OPRM1: variants seen among roughly 807,000 people sequenced by gnomAD.
OPRM1 encodes mu-type opioid receptor.
In OPRM1, 27 loss-of-function variants were observed where a neutral mutation model predicts 31.8. That is an observed-to-expected ratio of 0.85 (90% CI 0.63 to 1.17). OPRM1 has a LOEUF of 1.17. OPRM1 is among the 50% of genes most tolerant of loss of function. The pLI is 0.00. For synonymous variants in OPRM1, 196 were observed against 189.9 expected, an observed-to-expected ratio of 1.03 and a Z score of -0.26; for missense variants, 536 against 511.1, an observed-to-expected ratio of 1.05 and a Z score of -0.47.
chr6:154,090,035 G>A lies in OPRM1; in HGVS notation c.500G>A (p.Arg167Gln), dbSNP rs766402253. Residue 167 changes from arginine (R) to glutamine (Q), a missense_variant, in exon 2 of 4, where the codon CGA becomes CAA. By Grantham distance (43) the Arg-to-Gln change is conservative. Coordinates refer to ENST00000330432, the MANE Select transcript of OPRM1 (RefSeq NM_000914.5). The stretch of plus-strand genomic sequence containing the variant: ...ACCCTCTGCACCATGAGTGTTGATC[G>A]ATACATTGCAGTCTGCCACCCTGTC... ...IFTLCTMSVD[R>Q]YIAVCHPVKA... 6.8e-6 allele frequency: 11 copies of A among 1,613,674 alleles called. No individual in the cohort carries two copies. The highest frequency in any genetic ancestry group is 5.3e-5 in the African/African-American group (4 of 74,808).
Position 154,103,434 on chromosome 6 carries a change from G to A in OPRM1, c.1164+11962G>A, listed in dbSNP as rs529806988. On this transcript the variant is annotated intron_variant, in intron 3 of 3. Coordinates refer to ENST00000330432, the MANE Select transcript of OPRM1 (RefSeq NM_000914.5). ...ATTTTCTTAGAACATTACTGGACCC[G>A]GAAATTAGGTAAACCCTATACCAAT... Among the ~76,000 whole-genome samples, 53 of 152,188 alleles carry A rather than the reference G, an allele frequency of 3.5e-4. No homozygotes were observed. The East Asian group carries it at 6.8e-3, about 19-fold the overall frequency.
chr6:154,043,644 A>C (rs1780526652), intron 1 of OPRM1, among the ~76,000 whole-genome samples: 1 of 152,028 alleles, frequency 6.6e-6, no homozygotes, highest in Admixed American at 6.6e-5. Context: ...TAAAAAGATA[A>C]TAGTTTATTT....
At chr6:154,221,700 C>T (rs1450659782) in intron 3 of OPRM1, among the ~76,000 whole-genome samples, 1 of 151,860 alleles carries the variant, frequency 6.6e-6, no homozygotes, top group African/African-American at 2.4e-5. Flanking sequence ...GGTGAAACCC[C>T]GTCTCTACTA....
rs1699772374 is a variant in OPRM1, at chr6:154,039,643, C to T, written c.99C>T (p.Asn33=). ...CACCCAGCCCCGGTTCCTGGGTCAA[C>T]TTGTCCCACTTAGATGGCAACCTGT... ...SPAPSPGSWV[N]LSHLDGNLSD... The change falls in exon 1 of 4, where the codon AAC becomes AAT. Residue 33 remains asparagine, a synonymous_variant. Coordinates refer to ENST00000330432, the MANE Select transcript of OPRM1 (RefSeq NM_000914.5). 1.2e-6 allele frequency: 2 copies of T among 1,613,740 alleles called. No individual in the cohort carries two copies. The highest frequency in any genetic ancestry group is 1.7e-5 in the Admixed American group (1 of 60,026).
chr6:154,117,048 C>T (rs1197804385), intron 3 of OPRM1, among the ~76,000 whole-genome samples: 14 of 152,208 alleles, frequency 9.2e-5, no homozygotes, highest in Admixed American at 7.9e-4. Flanking sequence ...ATGGCAGCTT[C>T]TTGGATTTTA....
intron 1 of OPRM1, among the ~76,000 whole-genome samples, chr6:154,079,012 C>A (rs1041494567): frequency 6.6e-6 from 1 of 152,060 alleles, no homozygotes; most frequent in African/African-American, 2.4e-5. Flanking sequence ...GAGAGGAAAA[C>A]GTTCTGGGCT....
At chr6:154,144,726 C>A (rs1230452951) in intron 3 of OPRM1, among the ~76,000 whole-genome samples, 2 of 114,074 alleles carry the variant, frequency 1.8e-5, no homozygotes. Context: ...CCAGCCTGAG[C>A]AACAAGAGCG....
intron 3 of OPRM1, among the ~76,000 whole-genome samples, chr6:154,231,696 A>T (rs1779733661): frequency 6.6e-6 from 1 of 152,372 alleles, no homozygotes; most frequent in Middle Eastern, 3.4e-3. Flanking sequence ...TTGCGAAAAG[A>T]AACATGGGAA....
intron 3 of OPRM1, among the ~76,000 whole-genome samples, chr6:154,192,820 T>C (rs966599260): frequency 6.6e-6 from 1 of 152,140 alleles, no homozygotes; most frequent in Admixed American, 6.5e-5. Flanking sequence ...AAAACCATAA[T>C]GTGATACCAC....
intron 3 of OPRM1, among the ~76,000 whole-genome samples, chr6:154,147,073 A>G (rs1163244816): frequency 6.6e-6 from 1 of 151,940 alleles, no homozygotes; most frequent in Non-Finnish European, 1.5e-5. Flanking sequence ...CTGCTGAGGG[A>G]GAGGTGGGGA....
chr6:154,028,539 G>T (rs1324311871), intron 1 of OPRM1, among the ~76,000 whole-genome samples: 5 of 152,184 alleles, frequency 3.3e-5, no homozygotes, highest in Non-Finnish European at 7.3e-5. Flanking sequence ...CCTAAAAGTT[G>T]CAGTCCTTGT....
chr6:154,059,594 A>T (rs563403366), intron 1 of OPRM1, among the ~76,000 whole-genome samples: 13 of 152,168 alleles, frequency 8.5e-5, no homozygotes, highest in African/African-American at 3.1e-4. Context: ...TAAAAAAAAA[A>T]ATTCCGGTTT....
At chr6:154,038,410 T>C (rs1177426308), upstream of OPRM1, among the ~76,000 whole-genome samples, 1 of 152,200 alleles carries the variant, frequency 6.6e-6, no homozygotes, top group Admixed American at 6.5e-5. Context: ...AAGTAAGGTA[T>C]AAAATTCAAA....
intron 1 of OPRM1, among the ~76,000 whole-genome samples, chr6:154,043,537 GTATA>G (rs150929749): frequency 0.21 from 28,051 of 135,912 alleles, 2,894 homozygotes; most frequent in Admixed American, 0.28. Flanking sequence ...GTGTGTGTGT[GTATA>G]TATATATATA....
chr6:154,135,506 GAT>G (rs1269075374), downstream of OPRM1, among the ~76,000 whole-genome samples: 3 of 151,806 alleles, frequency 2.0e-5, no homozygotes, highest in African/African-American at 7.3e-5. Context: ...TATAGATATA[GAT>G]ATAGATATAG....
chr6:154,224,285 G>C (rs1402031558), intron 3 of OPRM1, among the ~76,000 whole-genome samples: 2 of 152,202 alleles, frequency 1.3e-5, no homozygotes, highest in African/African-American at 4.8e-5. Context: ...TTGCCAACTA[G>C]AGTGCAACTT....
rs1345025227 is a variant in OPRM1, at chr6:154,090,020, C to G, written c.485C>G (p.Thr162Ser). 6.2e-7 allele frequency: 1 copy of G among 1,614,096 alleles called. No homozygotes were observed. The change falls in exon 2 of 4, where the codon ACC becomes AGC. Residue 162 changes from threonine (T) to serine (S), a missense_variant. Physicochemically the swap from Thr to Ser is moderately conservative, Grantham distance 58 (BLOSUM62 1). Transcript: ENST00000330432. ...NMFTSIFTLC[T>S]MSVDRYIAVC... ...TTCACCAGCATATTCACCCTCTGCA[C>G]CATGAGTGTTGATCGATACATTGCA...
intron 1 of OPRM1, chr6:154,087,477 G>C (rs1222151570): frequency 2.0e-6 from 2 of 985,376 alleles, no homozygotes; most frequent in Non-Finnish European, 2.4e-6. Context: ...CCTGGCTTCA[G>C]GTGTGGGGTT....
intron 1 of OPRM1, among the ~76,000 whole-genome samples, chr6:154,059,877 G>T (rs3778148): frequency 0.14 from 20,872 of 152,124 alleles, 1,535 homozygotes; most frequent in Non-Finnish European, 0.17. Context: ...AAAGAAACTT[G>T]AAATTCCCAA....
Sources: gnomAD v4.1 joint callset for allele counts (sites outside exome capture counted in the v4.1 genomes callset) on GRCh38, gnomAD v4.1.1 for gene constraint, MANE v1.5 for transcripts, NCBI Gene and HGNC (gene_info 2026-07-23, HGNC 2026-07-21) for gene names.